Variants in ZFPM1 observed in about 807,000 individuals in gnomAD.
ZFPM1 encodes the protein zinc finger protein ZFPM1.
ZFPM1 carries 28 observed loss-of-function variants against 46.3 expected under a neutral mutation model. The observed-to-expected ratio is 0.60, with a 90% CI of 0.45 to 0.83. The LOEUF is 0.83. Among genes scored for constraint, ZFPM1 ranks in the 40% least tolerant of loss-of-function variants. ZFPM1 has a pLI of 0.00. For synonymous variants in ZFPM1, 957 were observed against 675.9 expected (o/e 1.42, Z -6.45); for missense variants, 1,878 against 1,432.4 (o/e 1.31, Z -5.02).
chr16:88,522,824 C>T (rs1397790774), intron 4 of ZFPM1, among the ~76,000 whole-genome samples: 1 of 152,170 alleles, frequency 6.6e-6, no homozygotes, highest in Admixed American at 6.5e-5. Context: ...GGGTGCCGAG[C>T]CTGTGGCACC....
intron 4 of ZFPM1, among the ~76,000 whole-genome samples, chr16:88,519,005 G>A (rs953980815): frequency 1.3e-5 from 2 of 150,686 alleles, no homozygotes; most frequent in African/African-American, 4.9e-5. Flanking sequence ...TAGACGTATG[G>A]GTGGATGGAT....
At chr16:88,524,506 G>C (rs1912160845) in intron 4 of ZFPM1, among the ~76,000 whole-genome samples, 1 of 152,162 alleles carries the variant, frequency 6.6e-6, no homozygotes, top group South Asian at 2.1e-4. Flanking sequence ...ACCTTTCTCG[G>C]GGCAGCCACT....
upstream of ZFPM1, among the ~76,000 whole-genome samples, chr16:88,453,156 C>G (rs1907355122): frequency 1.5e-5 from 2 of 137,176 alleles, no homozygotes; most frequent in East Asian, 4.5e-4. Context: ...GGCCGCGGCG[C>G]TGGGGGCGGA....
chr16:88,531,828 G>A (rs1435589043), intron 6 of ZFPM1, among the ~76,000 whole-genome samples, 174 bp from the exon 7 acceptor site: 1 of 152,182 alleles, frequency 6.6e-6, no homozygotes, highest in African/African-American at 2.4e-5. Context: ...AGGGAGTGGG[G>A]CTGTCACAGG....
Position 88,535,219 on chromosome 16 carries a change from C to G in ZFPM1, c.*240C>G, listed in dbSNP as rs1447708700. The stretch of plus-strand genomic sequence containing the variant: ...GCCAGCAGGCACACGCAGCCAGTGT[C>G]ACATCCAGCCCTGCTGTGTACACAG... On this transcript the variant is annotated 3_prime_UTR_variant, in exon 10 of 10. Transcript: ENST00000319555. 1 of 384,210 alleles carries G rather than the reference C, an allele frequency of 2.6e-6. No individual in the cohort carries two copies. The highest frequency in any genetic ancestry group is 2.1e-5 in the African/African-American group (1 of 47,460). The allele number at this position is 384,210 out of a possible 1,614,324, so 23.8% of individuals were successfully genotyped here.
intron 6 of ZFPM1, among the ~76,000 whole-genome samples, chr16:88,529,924 C>G (rs1912651447): frequency 6.6e-6 from 1 of 152,148 alleles, no homozygotes; most frequent in African/African-American, 2.4e-5. Flanking sequence ...AGAGAACGGG[C>G]CGAGCGGCCA....
At chr16:88,525,325 G>T (rs1014233472) in intron 4 of ZFPM1, among the ~76,000 whole-genome samples, 1 of 152,218 alleles carries the variant, frequency 6.6e-6, no homozygotes, top group African/African-American at 2.4e-5. Flanking sequence ...ACCCACAGGG[G>T]ACATCCCTGC....
intron 4 of ZFPM1, among the ~76,000 whole-genome samples, chr16:88,519,088 G>C (rs1911592077): frequency 6.9e-6 from 1 of 144,726 alleles, no homozygotes; most frequent in African/African-American, 2.6e-5. Context: ...ATGGATGGAT[G>C]GCTGAGAGTG....
chr16:88,509,245 A>G (rs759593123), intron 3 of ZFPM1, among the ~76,000 whole-genome samples: 26 of 152,178 alleles, frequency 1.7e-4, no homozygotes, highest in Non-Finnish European at 3.7e-4. Flanking sequence ...ACTTTTATCA[A>G]AAGCAAACAG....
At chr16:88,464,976 T>C (rs1030490735) in intron 1 of ZFPM1, among the ~76,000 whole-genome samples, 3 of 151,952 alleles carry the variant, frequency 2.0e-5, no homozygotes, top group Non-Finnish European at 2.9e-5. Flanking sequence ...AGCTCACTGA[T>C]TAAAGTGTCT....
intron 1 of ZFPM1, among the ~76,000 whole-genome samples, chr16:88,478,452 G>A (rs997952944): frequency 6.6e-6 from 1 of 152,198 alleles, no homozygotes; most frequent in Non-Finnish European, 1.5e-5. Flanking sequence ...CAGCGTCTGC[G>A]TCTACACAGC....
In ZFPM1 at chr16:88,532,808, C is replaced by T. The variant is rs1385933744; in HGVS notation, c.1062C>T (p.Gly354=). 2 of 1,613,308 alleles carry T rather than the reference C, an allele frequency of 1.2e-6. No individual in the cohort carries two copies. The highest frequency in any genetic ancestry group is 2.2e-5 in the South Asian group (2 of 91,088). The part of the protein sequence containing the change: ...DTLSGVCHSC[G]FISTTRDILY... Reference sequence around the variant, plus strand: ...CCACAGGTGTCTGCCACAGCTGTGGCTTCATCTCCACCACAAGGGACATCC... The same window carrying T: ...CCACAGGTGTCTGCCACAGCTGTGGTTTCATCTCCACCACAAGGGACATCC... The change falls in exon 9 of 10, where the codon GGC becomes GGT. Residue 354 remains glycine (G), a synonymous_variant. Transcript: ENST00000319555.
At chr16:88,505,994 G>C (rs1409116036) in intron 3 of ZFPM1, among the ~76,000 whole-genome samples, 1 of 152,254 alleles carries the variant, frequency 6.6e-6, no homozygotes, top group African/African-American at 2.4e-5. Flanking sequence ...GGCAGGTTCT[G>C]TGGTTCGAAG....
chr16:88,509,428 C>G lies in ZFPM1; in HGVS notation c.269-4959C>G, dbSNP rs190383736. Among the ~76,000 whole-genome samples the G allele has an allele frequency of 1.8e-3, 269 of 152,356 alleles. 2 individuals are homozygous for G. Among genetic ancestry groups the G allele is most frequent in the African/African-American group, 6.2e-3 (259 of 41,578 alleles). On this transcript the variant is annotated intron_variant, in intron 3 of 9. Coordinates refer to ENST00000319555, the MANE Select transcript of ZFPM1 (RefSeq NM_153813.3). ...CCATCTGGGGTGGCTGGACTTTGCA[C>G]TCCCGAGACTACCAGCCATTAGGCA... is the stretch of plus-strand genomic sequence containing the variant.
chr16:88,514,255 C>T, intron 3 of ZFPM1, 132 bp from the exon 4 acceptor site: 1 of 1,446,202 alleles, frequency 6.9e-7, no homozygotes, highest in Non-Finnish European at 9.2e-7. Context: ...CCAGCACCTG[C>T]CCGGCCCCTG....
At chr16:88,521,841 G>A (rs972731974) in intron 4 of ZFPM1, among the ~76,000 whole-genome samples, 1 of 137,850 alleles carries the variant, frequency 7.3e-6, no homozygotes, top group African/African-American at 2.8e-5. Context: ...CCCCTATGCT[G>A]TTCCCTCTCC....
chr16:88,475,285 A>G, intron 1 of ZFPM1, among the ~76,000 whole-genome samples: 1 of 152,140 alleles, frequency 6.6e-6, no homozygotes, highest in Non-Finnish European at 1.5e-5. Context: ...GGGGGCCATC[A>G]GAGGGGAGGG....
intron 3 of ZFPM1, among the ~76,000 whole-genome samples, chr16:88,493,360 G>C (rs111931812): frequency 0.025 from 2,786 of 113,458 alleles, 140 homozygotes; most frequent in African/African-American, 0.091. Flanking sequence ...TCCCGGGGTG[G>C]GGAGAGCTGT....
chr16:88,475,403 C>T (rs1042314887), intron 1 of ZFPM1, among the ~76,000 whole-genome samples: 1 of 151,990 alleles, frequency 6.6e-6, no homozygotes, highest in Non-Finnish European at 1.5e-5. Context: ...GACGTGGAGC[C>T]AGGAGGAGAA....
Sources: gnomAD v4.1 joint callset for allele counts (sites outside exome capture counted in the v4.1 genomes callset) on GRCh38, gnomAD v4.1.1 for gene constraint, MANE v1.5 for transcripts, NCBI Gene and HGNC (gene_info 2026-07-23, HGNC 2026-07-21) for gene names.